Variants in PLEC observed in about 807,000 individuals in gnomAD.
PLEC encodes the protein plectin.
Under a neutral mutation model 392.8 loss-of-function variants are expected in PLEC, and 216 were observed. That is an observed-to-expected ratio of 0.55 (90% CI 0.49 to 0.62). The LOEUF (loss-of-function observed/expected upper bound fraction) is 0.62, where lower values mean the gene tolerates loss of function less well. Among genes scored for constraint, PLEC ranks in the 20% least tolerant of loss-of-function variants. PLEC has a pLI of 0.00. For synonymous variants in PLEC, 3,621 were observed against 2,980.6 expected (o/e 1.21, Z -7.00); for missense variants, 6,863 against 6,563.4 (o/e 1.05, Z -1.58).
chr8:143,928,002 A>G lies in PLEC; in HGVS notation c.3261-10T>C. 6.3e-7 allele frequency: 1 copy of G among 1,589,502 alleles called. No homozygotes were observed. The highest frequency in any genetic ancestry group is 1.1e-5 in the South Asian group (1 of 90,300). On this transcript the variant is annotated splice_polypyrimidine_tract_variant and intron_variant, in intron 25 of 31. Transcript: ENST00000345136. ...GCTGATGGTCTTGAGCCTGGCGGGA[A>G]AGCGGGGCTCAGGGCCATGACATGG... is the stretch of plus-strand genomic sequence containing the variant.
At chr8:143,941,625 C>G (rs1300105783), upstream of PLEC, among the ~76,000 whole-genome samples, 1 of 152,072 alleles carries the variant, frequency 6.6e-6, no homozygotes, top group Non-Finnish European at 1.5e-5. Context: ...CTCTGGGTGC[C>G]TCTTTGCTCT....
chr8:143,935,458 G>A, intron 6 of PLEC, 145 bp from the exon 7 acceptor site: 1 of 702,406 alleles, frequency 1.4e-6, no homozygotes, highest in Non-Finnish European at 2.6e-6. Flanking sequence ...TGTCACATGG[G>A]CAGAGCTGAG....
intron 25 of PLEC, 103 bp from the exon 26 acceptor site, chr8:143,928,095 C>G (rs996016031): frequency 7.0e-5 from 99 of 1,418,686 alleles, no homozygotes; most frequent in Middle Eastern, 3.9e-4. Flanking sequence ...CTGCCAAGCC[C>G]AGACCCAACC....
upstream of PLEC, among the ~76,000 whole-genome samples, chr8:143,940,360 G>A (rs952360614): frequency 6.6e-6 from 1 of 152,176 alleles, no homozygotes; most frequent in South Asian, 2.1e-4. Flanking sequence ...GAGGGGCCTC[G>A]CCAGTGAGTC....
intron 1 of PLEC, chr8:143,946,475 G>A (rs1450631707): frequency 7.4e-6 from 8 of 1,078,300 alleles, no homozygotes; most frequent in East Asian, 6.1e-5. Context: ...GGAGGCAGAG[G>A]GAGGGCCCAC....
At chr8:143,976,162 G>A (rs766650589), upstream of PLEC, among the ~76,000 whole-genome samples, 1 of 152,214 alleles carries the variant, frequency 6.6e-6, no homozygotes, top group Non-Finnish European at 1.5e-5. Context: ...AGGGAGCCCG[G>A]GCCGCAGCTC....
Position 143,920,383 on chromosome 8 carries a change from G to T in PLEC, c.9438C>A (p.Pro3146=). The T allele has an allele frequency of 6.3e-7, 1 of 1,592,686 alleles. No individual in the cohort carries two copies. ...AQLSTGGIVD[P]SKSHRVPLDV... ...CCAGGGGCACGCGGTGGCTCTTGCTGGGGTCCACGATGCCGCCCGTGGACA... is the reference window on the plus strand; with the variant it reads ...CCAGGGGCACGCGGTGGCTCTTGCTTGGGTCCACGATGCCGCCCGTGGACA... The change falls in exon 32 of 32, where the codon CCC becomes CCA. Residue 3146 remains proline, a synonymous_variant. Transcript: ENST00000345136.
intron 1 of PLEC, among the ~76,000 whole-genome samples, chr8:143,966,646 C>T (rs1003596750): frequency 6.6e-6 from 1 of 152,174 alleles, no homozygotes. Context: ...GGGCGGGGCT[C>T]GGCTGGGGGG....
In PLEC at chr8:143,919,988, T is replaced by G; in HGVS notation, c.9833A>C (p.Lys3278Thr). 2 of 1,613,300 alleles carry G rather than the reference T, an allele frequency of 1.2e-6. No homozygotes were observed. The highest frequency in any genetic ancestry group is 1.7e-6 in the Non-Finnish European group (2 of 1,180,022). The change falls in exon 32 of 32, where the codon AAG becomes ACG. Residue 3278 changes from lysine to threonine, a missense_variant. Transcript: ENST00000345136. The stretch of plus-strand genomic sequence containing the variant: ...CTTGATGACCTTCTCCACGGTGACC[T>G]TGCCCGTGCGGAACTGACGCAACAG... ...QELLRQFRTG[K>T]VTVEKVIKIL...
upstream of PLEC, among the ~76,000 whole-genome samples, chr8:143,952,428 C>T (rs1248895096): frequency 2.6e-5 from 4 of 152,156 alleles, no homozygotes; most frequent in Admixed American, 2.6e-4. Flanking sequence ...CCACGCCCCT[C>T]GGACCACCAG....
chr8:143,916,164 G>T lies in PLEC; in HGVS notation c.*13C>A. 6.5e-7 allele frequency: 1 copy of T among 1,528,874 alleles called. No individual in the cohort carries two copies. The highest frequency in any genetic ancestry group is 8.8e-7 in the Non-Finnish European group (1 of 1,138,310). The allele number at this position is 1,528,874 out of a possible 1,614,324, so 94.7% of individuals were successfully genotyped here. Reference sequence around the variant, plus strand: ...GCTGGGCCGCATGCAGAGCGGGGTGGGCGCAGGCAGCCTCAGGCCACGGCA... The same window carrying T: ...GCTGGGCCGCATGCAGAGCGGGGTGTGCGCAGGCAGCCTCAGGCCACGGCA... On this transcript the variant is annotated 3_prime_UTR_variant, in exon 32 of 32. Transcript: ENST00000345136.
Position 143,923,563 on chromosome 8 carries a change from C to T in PLEC, c.6366G>A (p.Glu2122=), listed in dbSNP as rs782349917. 8.8e-6 allele frequency: 14 copies of T among 1,597,502 alleles called. No homozygotes were observed. Among genetic ancestry groups the T allele is most frequent in the Admixed American group, 3.3e-5 (2 of 59,782 alleles). ...CCTGAGCCCGGGCCTGTGCCTGCTC[C>T]TCTGCCGACTGCTTCAGCCGCTCGG... is the stretch of plus-strand genomic sequence containing the variant. The part of the protein sequence containing the change: ...EEAERLKQSA[E]EQAQARAQAQ... The change falls in exon 31 of 32, where the codon GAG becomes GAA. Residue 2122 remains glutamate (E), a synonymous_variant. Transcript: ENST00000345136.
At position 143,920,759 on chromosome 8, in the gene PLEC, C is replaced by A. The variant is rs782393355; in HGVS notation, c.9062G>T (p.Arg3021Leu). 6.2e-7 allele frequency: 1 copy of A among 1,605,794 alleles called. No homozygotes were observed. The highest frequency in any genetic ancestry group is 8.5e-7 in the Non-Finnish European group (1 of 1,179,908). ...AEVDTVRRALRGANVIAGVWL... is the reference protein window; with the variant it reads ...AEVDTVRRALLGANVIAGVWL... ...TACACCCGCGATGACGTTGGCACCCCGGAGAGCCCGCCGCACAGTGTCCAC... is the reference window on the plus strand; with the variant it reads ...TACACCCGCGATGACGTTGGCACCCAGGAGAGCCCGCCGCACAGTGTCCAC... Residue 3021 changes from arginine to leucine, a missense_variant, in exon 32 of 32, where the codon CGG becomes CTG. By Grantham distance (102) the Arg-to-Leu change is moderately radical (BLOSUM62 -2). Coordinates refer to ENST00000345136, the MANE Select transcript of PLEC (RefSeq NM_201384.3).
rs1821206029 is a variant in PLEC at position 143,918,207 on chromosome 8, G to A, written c.11614C>T (p.Gln3872Ter). 6.3e-7 allele frequency: 1 copy of A among 1,582,044 alleles called. No individual in the cohort carries two copies. The change falls in exon 32 of 32, where the codon CAG (glutamine) becomes TAG (stop). Residue 3872 changes from glutamine to a stop codon, truncating the protein, a stop_gained. Transcript: ENST00000345136. LOFTEE classifies it high-confidence loss of function. ...RRCRRDDGTGQLLLPLSDARK... is the reference protein window; with the variant it reads ...RRCRRDDGTG ...GCGTCCGACAGTGGCAGGAGCAGCT[G>A]GCCGGTGCCGTCGTCACGACGGCAC...
rs782236056 is a variant in PLEC, at chr8:143,919,374, C to T, written c.10447G>A (p.Val3483Met). 57 of 1,613,758 alleles carry T rather than the reference C, an allele frequency of 3.5e-5. 1 individual carries two copies. In the Admixed American group the frequency reaches 7.8e-4, roughly 22 times the overall value. ...CGCTGGTAGGCCACGTCCACAGGCA[C>T]GCGGTGGCTGTGCACGGGGTCGATG... ...GIIDPVHSHR[V>M]PVDVAYQRGY... The change falls in exon 32 of 32, where the codon GTG becomes ATG. Residue 3483 changes from valine (V) to methionine (M), a missense_variant. By Grantham distance (21) the Val-to-Met change is conservative. Coordinates refer to ENST00000345136, the MANE Select transcript of PLEC (RefSeq NM_201384.3).
Position 143,929,394 on chromosome 8 carries a change from T to TG in PLEC, c.3081+19dup, listed in dbSNP as rs782004958. The TG allele has an allele frequency of 8.0e-5, 121 of 1,518,692 alleles. No individual in the cohort carries two copies. Among genetic ancestry groups the TG allele is most frequent in the South Asian group, 2.3e-4 (20 of 85,374 alleles). 94.1% of individuals were successfully genotyped at this position (1,518,692 alleles called of 1,614,324 possible). On this transcript the variant is annotated intron_variant, in intron 24 of 31. Transcript: ENST00000345136. ...GGATGGGGAGAGGGATGGGACTGGA[T>TG]GGGGGGGGACGGCCCCTGCCTGCTG...
Position 143,920,288 on chromosome 8 carries a change from G to C in PLEC, c.9533C>G (p.Ala3178Gly). The C allele has an allele frequency of 6.3e-7, 1 of 1,592,172 alleles. No homozygotes were observed. The highest frequency in any genetic ancestry group is 1.1e-5 in the South Asian group (1 of 89,882). Residue 3178 changes from alanine (A) to glycine (G), a missense_variant, in exon 32 of 32, where the codon GCC becomes GGC. Transcript: ENST00000345136. The stretch of plus-strand genomic sequence containing the variant: ...TGTGCTGGGGTCACTGTAGGCCTTG[G>C]CGTCGGCCCTTGGTGCCGACAGGGC... ...SRALSAPRAD[A>G]KAYSDPSTGE... is the part of the protein sequence containing the mutation.
rs1458153335 is a variant in PLEC, at chr8:143,919,815, T to C, written c.10006A>G (p.Thr3336Ala). 2 of 1,612,958 alleles carry C rather than the reference T, an allele frequency of 1.2e-6. No homozygotes were observed. The highest frequency in any genetic ancestry group is 1.7e-6 in the Non-Finnish European group (2 of 1,180,026). The change falls in exon 32 of 32, where the codon ACG becomes GCG. Residue 3336 changes from threonine to alanine, a missense_variant. Thr to Ala is a moderately conservative substitution (Grantham distance 58). Coordinates refer to ENST00000345136, the MANE Select transcript of PLEC (RefSeq NM_201384.3). ...AGCTCCGAAAGGTCCTTGACCGTCG[T>C]CTTGCCGTCCTTGAGCTGCTCAAAC... ...AQFEQLKDGK[T>A]TVKDLSELGS...
Position 143,916,383 on chromosome 8 carries a change from C to T in PLEC, c.13438G>A (p.Val4480Ile), listed in dbSNP as rs896023315. 1.1e-5 allele frequency: 18 copies of T among 1,610,674 alleles called. No individual in the cohort carries two copies. The highest frequency in any genetic ancestry group is 5.0e-5 in the Admixed American group (3 of 59,942). ...STKGYYSPYS[V>I]SGSGSTAGSR... ...CCAGCGGTAGAGCCGGAGCCGCTGACGCTGTAGGGGCTGTAGTAGCCCTTG... is the reference window on the plus strand; with the variant it reads ...CCAGCGGTAGAGCCGGAGCCGCTGATGCTGTAGGGGCTGTAGTAGCCCTTG... Residue 4480 changes from valine (V) to isoleucine (I), a missense_variant, in exon 32 of 32, where the codon GTC becomes ATC. Physicochemically the swap from Val to Ile is conservative, Grantham distance 29. Transcript: ENST00000345136.
Sources: allele counts gnomAD v4.1 joint callset (sites outside exome capture counted in the v4.1 genomes callset), GRCh38; gene constraint gnomAD v4.1.1; transcripts MANE v1.5; gene names NCBI Gene and HGNC (gene_info 2026-07-23, HGNC 2026-07-21).